M1AP: variants seen among roughly 807,000 people sequenced by gnomAD.
M1AP encodes meiosis 1 associated protein, also known as meiosis 1 arrest protein.
In M1AP, 39 loss-of-function variants were observed where a neutral mutation model predicts 51.2. That is an observed-to-expected ratio of 0.76 (90% CI 0.59 to 1.00). The LOEUF is 1.00. Ranked by LOEUF, M1AP falls within the 50% of genes least tolerant of loss-of-function variation. M1AP has a pLI of 0.00. For missense variants in M1AP, 545 were observed against 641.2 expected (o/e 0.85, Z 1.62); for synonymous variants, 251 against 249.2 (o/e 1.01, Z -0.07).
intron 7 of M1AP, among the ~76,000 whole-genome samples, chr2:74,569,771 G>A (rs985510218): frequency 1.2e-4 from 19 of 152,264 alleles, no homozygotes; most frequent in African/African-American, 3.4e-4. Context: ...CTGAGAGAGA[G>A]GAGGACTACA....
At chr2:74,621,976 C>T (rs1434219125) in intron 2 of M1AP, among the ~76,000 whole-genome samples, 2 of 149,226 alleles carry the variant, frequency 1.3e-5, no homozygotes, top group South Asian at 4.2e-4. Context: ...AAAAATGAGC[C>T]GGGTGTGGTG....
chr2:74,639,472 G>A (rs1683168461), intron 2 of M1AP, among the ~76,000 whole-genome samples: 1 of 152,222 alleles, frequency 6.6e-6, no homozygotes, highest in African/African-American at 2.4e-5. Flanking sequence ...AATTGTTTAT[G>A]TATGAAGGAG....
intron 7 of M1AP, among the ~76,000 whole-genome samples, chr2:74,569,373 TCTA>T (rs1193137805): frequency 6.7e-6 from 1 of 150,204 alleles, no homozygotes; most frequent in Admixed American, 6.6e-5. Context: ...TCTCCCTCAC[TCTA>T]CTTTTTTTTT....
chr2:74,621,946 A>G (rs1346474774), intron 2 of M1AP, among the ~76,000 whole-genome samples: 1 of 116,278 alleles, frequency 8.6e-6, no homozygotes, highest in East Asian at 2.2e-4. Context: ...CACATCTACT[A>G]AAAAAAAAAA....
intron 4 of M1AP, among the ~76,000 whole-genome samples, chr2:74,593,894 A>G (rs1281770988): frequency 6.6e-6 from 1 of 152,220 alleles, no homozygotes; most frequent in Non-Finnish European, 1.5e-5. Context: ...TAGCATTGCC[A>G]GGGTAAGGAG....
chr2:74,613,887 C>A (rs766984941), intron 3 of M1AP, among the ~76,000 whole-genome samples: 23 of 152,292 alleles, frequency 1.5e-4, no homozygotes, highest in Non-Finnish European at 2.8e-4. Flanking sequence ...CTCTTGGGCT[C>A]AAGCCATCTT....
intron 7 of M1AP, 116 bp downstream of exon 7, chr2:74,575,322 C>G: frequency 4.0e-6 from 6 of 1,507,870 alleles, no homozygotes; most frequent in Non-Finnish European, 5.3e-6. Flanking sequence ...CCAGTTTTTT[C>G]TGTCTTCTTG....
At chr2:74,559,809 A>G in intron 9 of M1AP, 100 bp from the exon 10 acceptor site, 1 of 701,378 alleles carries the variant, frequency 1.4e-6, no homozygotes. Flanking sequence ...TCCCTTGGGC[A>G]TTTCTTTTCC....
At chr2:74,610,089 C>T (rs1481307453) in intron 3 of M1AP, among the ~76,000 whole-genome samples, 1 of 151,890 alleles carries the variant, frequency 6.6e-6, no homozygotes, top group Non-Finnish European at 1.5e-5. Flanking sequence ...GCAGCCTTGA[C>T]CTCCTAGGCT....
chr2:74,615,247 C>T, intron 2 of M1AP, 98 bp from the exon 3 acceptor site: 1 of 1,076,740 alleles, frequency 9.3e-7, no homozygotes. Flanking sequence ...TCAGAAGTTC[C>T]TTCCCTTCCT....
chr2:74,623,045 T>C (rs979203964), intron 2 of M1AP, among the ~76,000 whole-genome samples: 21 of 150,554 alleles, frequency 1.4e-4, no homozygotes, highest in Admixed American at 1.4e-3. Context: ...CCAAGTAAGA[T>C]AATCAGAATA....
chr2:74,609,799 C>A (rs1197354136), intron 3 of M1AP, among the ~76,000 whole-genome samples: 2 of 152,102 alleles, frequency 1.3e-5, no homozygotes, highest in South Asian at 2.1e-4. Context: ...ATTTGCATTT[C>A]TCTGATTAGT....
At chr2:74,608,405 T>C (rs1169143742) in intron 3 of M1AP, among the ~76,000 whole-genome samples, 1 of 152,224 alleles carries the variant, frequency 6.6e-6, no homozygotes, top group African/African-American at 2.4e-5. Flanking sequence ...TATCTTTCTG[T>C]AGCTTGATAG....
intron 3 of M1AP, among the ~76,000 whole-genome samples, chr2:74,611,569 T>A (rs1424758100): frequency 6.6e-6 from 1 of 152,200 alleles, no homozygotes; most frequent in Admixed American, 6.5e-5. Flanking sequence ...CTTTTTTTCT[T>A]AGTCTAGCCA....
chr2:74,570,450 T>C (rs1350320381), intron 7 of M1AP, among the ~76,000 whole-genome samples: 2 of 152,194 alleles, frequency 1.3e-5, no homozygotes, highest in Non-Finnish European at 2.9e-5. Context: ...AATCTGGAGT[T>C]TGGGTAGTCA....
intron 10 of M1AP, among the ~76,000 whole-genome samples, chr2:74,559,365 G>C: frequency 6.6e-6 from 1 of 152,142 alleles, no homozygotes; most frequent in East Asian, 1.9e-4. Flanking sequence ...TTGCCATGTT[G>C]CCCAGGCTGG....
intron 5 of M1AP, among the ~76,000 whole-genome samples, chr2:74,580,111 T>TTCTTTCTTA (rs1235071827): frequency 6.6e-6 from 1 of 152,240 alleles, no homozygotes; most frequent in Non-Finnish European, 1.5e-5. Context: ...CTAGCCTGTT[T>TTCTTTCTTA]TCTTTCTTAC....
At position 74,607,036 on chromosome 2, in the gene M1AP, C is replaced by G. The variant is rs777395322; in HGVS notation, c.595+19G>C. On this transcript the variant is annotated intron_variant, in intron 4 of 10. Transcript: ENST00000421985. Reference sequence around the variant, plus strand: ...TTAAAATTCTTACAATTCTTTTTACCTTGTTAAAAAATTCTTACCATCATT... The same window carrying G: ...TTAAAATTCTTACAATTCTTTTTACGTTGTTAAAAAATTCTTACCATCATT... 5.0e-6 allele frequency: 8 copies of G among 1,610,280 alleles called. 1 individual carries two copies. The South Asian group carries it at 8.8e-5, about 18-fold the overall frequency.
chr2:74,572,998 C>A (rs1330646389), intron 7 of M1AP, among the ~76,000 whole-genome samples: 4 of 152,050 alleles, frequency 2.6e-5, no homozygotes, highest in African/African-American at 9.7e-5. Flanking sequence ...AGACTCTAAT[C>A]TCGTGTATGT....
Sources: allele counts gnomAD v4.1 joint callset (sites outside exome capture counted in the v4.1 genomes callset), GRCh38; gene constraint gnomAD v4.1.1; transcripts MANE v1.5; gene names NCBI Gene and HGNC (gene_info 2026-07-23, HGNC 2026-07-21).